The following ZNF324 variants were observed in gnomAD, a reference collection of about 807,000 sequenced individuals.
ZNF324 encodes zinc finger protein 324A.
Under a neutral mutation model 10.3 loss-of-function variants are expected in ZNF324, and 3 were observed. That is an observed-to-expected ratio of 0.29 (90% CI 0.13 to 0.75). The LOEUF is 0.75. Ranked by LOEUF, ZNF324 falls within the 30% of genes least tolerant of loss-of-function variation. The probability of loss-of-function intolerance (pLI) is 0.69; values close to 1 mark genes in which losing one functional copy is unlikely to be tolerated. For missense variants in ZNF324, 763 were observed against 784.4 expected (o/e 0.97, Z 0.33); for synonymous variants, 430 against 339.5 (o/e 1.27, Z -2.93).
At position 58,472,149 on chromosome 19, in the gene ZNF324, G is replaced by A; in HGVS notation, c.1657G>A (p.Val553Ile). ...AGCCGCCGTCTCGCAGCCAGCGGAGGTCTGAGGTCACAGGTTGCAGCCCTG... is the reference window on the plus strand; with the variant it reads ...AGCCGCCGTCTCGCAGCCAGCGGAGATCTGAGGTCACAGGTTGCAGCCCTG... ...GPAAVSQPAE[V>I] Residue 553 changes from valine to isoleucine, a missense_variant, in exon 4 of 4, where the codon GTC becomes ATC. This residue lies in a region of ZNF324 where 231 missense variants were observed against 196.0 expected (regional missense o/e 1.18). Coordinates refer to ENST00000196482, the MANE Select transcript of ZNF324 (RefSeq NM_014347.3). 6.3e-7 allele frequency: 1 copy of A among 1,575,554 alleles called. No homozygotes were observed. Among genetic ancestry groups the A allele is most frequent in the Non-Finnish European group, 8.6e-7 (1 of 1,161,968 alleles).
In ZNF324 at chr19:58,469,106, G is replaced by A. The variant is rs7255093; in HGVS notation, c.-6-74G>A. 281 of 1,588,766 alleles carry A rather than the reference G, an allele frequency of 1.8e-4. No homozygotes were observed. The African/African-American group carries it at 3.4e-3, about 19-fold the overall frequency. ...TGCCCAAGACAATTCTTCTTCCAATGTGGCCCAGGGAAGCCAAAAGATTGG... is the reference window on the plus strand; with the variant it reads ...TGCCCAAGACAATTCTTCTTCCAATATGGCCCAGGGAAGCCAAAAGATTGG... On this transcript the variant is annotated intron_variant, in intron 1 of 3. Transcript: ENST00000196482.
chr19:58,468,166 T>C lies in ZNF324; in HGVS notation c.-7+983T>C, dbSNP rs1048025074. The C allele has an allele frequency of 2.0e-5, 20 of 984,576 alleles. No homozygotes were observed. In the African/African-American group the frequency reaches 3.3e-4, roughly 16 times the overall value. The allele number at this position is 984,576 out of a possible 1,614,324, so 61.0% of individuals were successfully genotyped here. A position where few individuals can be genotyped will look rare whatever the true frequency, so the allele number is the denominator to read the frequency against. On this transcript the variant is annotated intron_variant, in intron 1 of 3. Transcript: ENST00000196482. ...AAGCAGGTTTCCTTCAGGGGAAAGA[T>C]CAAGAGTCTGGGATGTCCCAGGTTG... is the stretch of plus-strand genomic sequence containing the variant.
At chr19:58,469,035 T>C in intron 1 of ZNF324, 145 bp from the exon 2 acceptor site, 1 of 999,470 alleles carries the variant, frequency 1.0e-6, no homozygotes, top group Non-Finnish European at 1.5e-6. Context: ...AATTTTTATT[T>C]TTTTTAGCTC....
rs182649530 is a variant in ZNF324, at chr19:58,470,505, G to A, written c.239-226G>A. 5.3e-4 allele frequency: 346 copies of A among 653,012 alleles called. 4 individuals are homozygous for A. The East Asian group carries it at 6.8e-3, about 13-fold the overall frequency. The allele number at this position is 653,012 out of a possible 1,614,324, so 40.5% of individuals were successfully genotyped here. ...CTCAGCTTCACATCCTGGGTGTCGGGGGGCTGCCACCTTGATCATGGGAGT... is the reference window on the plus strand; with the variant it reads ...CTCAGCTTCACATCCTGGGTGTCGGAGGGCTGCCACCTTGATCATGGGAGT... On this transcript the variant is annotated intron_variant, in intron 3 of 3. Coordinates refer to ENST00000196482, the MANE Select transcript of ZNF324 (RefSeq NM_014347.3).
chr19:58,470,999 C>G lies in ZNF324; in HGVS notation c.507C>G (p.Pro169=). 1 of 1,614,176 alleles carries G rather than the reference C, an allele frequency of 6.2e-7. No homozygotes were observed. The change falls in exon 4 of 4, where the codon CCC becomes CCG. Residue 169 remains proline, a synonymous_variant. Transcript: ENST00000196482. ...GACTGACCTCCCCGCTTAGGCCTCC[C>G]GAGGGCGTCCGGCTTAGAGAAAAGA... ...SLRLTSPLRP[P]EGVRLREKTL...
chr19:58,474,372 G>C lies in ZNF324; in HGVS notation c.*2218G>C, dbSNP rs2053063464. On this transcript the variant is annotated 3_prime_UTR_variant, in exon 4 of 4. Transcript: ENST00000196482. ...TGAAATCATTTCTATGCCTCTGACA[G>C]ACGCTTCTTGAGCGAAGTTTCTGCC... 6.6e-6 allele frequency: 1 copy of C among 152,176 alleles called. No homozygotes were observed. Among genetic ancestry groups the C allele is most frequent in the Admixed American group, 6.5e-5 (1 of 15,276 alleles). 9.4% of individuals were successfully genotyped at this position (152,176 alleles called of 1,614,324 possible).
chr19:58,470,613 T>C lies in ZNF324; in HGVS notation c.239-118T>C, dbSNP rs758841420. 2.7e-5 allele frequency: 36 copies of C among 1,312,560 alleles called. No homozygotes were observed. The African/African-American group carries it at 5.1e-4, about 19-fold the overall frequency. The allele number at this position is 1,312,560 out of a possible 1,614,324, so 81.3% of individuals were successfully genotyped here. A position where few individuals can be genotyped will look rare whatever the true frequency, so the allele number is the denominator to read the frequency against. ...CCTCCTGCAGGGCCAGCCTCACCTC[T>C]ACTTTTCCCCTAAGCTTTTGTGCCA... On this transcript the variant is annotated intron_variant, in intron 3 of 3. Coordinates refer to ENST00000196482, the MANE Select transcript of ZNF324 (RefSeq NM_014347.3).
In ZNF324 at chr19:58,469,198, G is replaced by A. The variant is rs138845372; in HGVS notation, c.13G>A (p.Asp5Asn). The change falls in exon 2 of 4, where the codon GAT becomes AAT. Residue 5 changes from aspartate to asparagine, a missense_variant. By Grantham distance (23) the Asp-to-Asn change is conservative (BLOSUM62 1). Around this residue, in one of 3 missense-constraint regions of ZNF324, gnomAD observed 379 missense variants for 319.4 expected, o/e 1.19. Coordinates refer to ENST00000196482, the MANE Select transcript of ZNF324 (RefSeq NM_014347.3). Reference sequence around the variant, plus strand: ...CTTTTAGGACCAGATGGCCTTTGAGGATGTGGCTGTGTACTTCTCCCAGGA... The same window carrying A: ...CTTTTAGGACCAGATGGCCTTTGAGAATGTGGCTGTGTACTTCTCCCAGGA... MAFE[D>N]VAVYFSQEEW... The A allele has an allele frequency of 5.0e-6, 8 of 1,614,164 alleles. No homozygotes were observed. The African/African-American group carries it at 6.7e-5, about 13-fold the overall frequency.
Position 58,471,246 on chromosome 19 carries a change from G to C in ZNF324, c.754G>C (p.Ala252Pro). 6.2e-7 allele frequency: 1 copy of C among 1,613,566 alleles called. No homozygotes were observed. The highest frequency in any genetic ancestry group is 2.2e-5 in the East Asian group (1 of 44,872). The change falls in exon 4 of 4, where the codon GCT becomes CCT. Residue 252 changes from alanine (A) to proline (P), a missense_variant. Physicochemically the swap from Ala to Pro is conservative, Grantham distance 27. Transcript: ENST00000196482. ...GGACGAGCTGGGCGAGGCTCTTCAC[G>C]CTGGGGAGAAGTCCTTCGAATGCAG... ...TWDELGEALH[A>P]GEKSFECRAC...
rs2053051049 is a variant in ZNF324 at position 58,472,968 on chromosome 19, G to A, written c.*814G>A. The A allele has an allele frequency of 6.5e-6, 1 of 152,724 alleles. No individual in the cohort carries two copies. Among genetic ancestry groups the A allele is most frequent in the Non-Finnish European group, 1.5e-5 (1 of 68,076 alleles). The allele number at this position is 152,724 out of a possible 1,614,324, so 9.5% of individuals were successfully genotyped here. On this transcript the variant is annotated 3_prime_UTR_variant, in exon 4 of 4. Coordinates refer to ENST00000196482, the MANE Select transcript of ZNF324 (RefSeq NM_014347.3). ...GGGGAACATGTGACTCTCAGCATTG[G>A]AAGGACAGAGCTAGGATGATGGCTT...
At chr19:58,470,106 C>T (rs2053015088) in intron 3 of ZNF324, among the ~76,000 whole-genome samples, 1 of 152,180 alleles carries the variant, frequency 6.6e-6, no homozygotes, top group African/African-American at 2.4e-5. Context: ...GCTGGGCTGG[C>T]CTCAAACCCT....
chr19:58,472,149 G>T lies in ZNF324; in HGVS notation c.1657G>T (p.Val553Phe). Residue 553 changes from valine to phenylalanine, a missense_variant, in exon 4 of 4, where the codon GTC (valine) becomes TTC (phenylalanine). Physicochemically the swap from Val to Phe is conservative, Grantham distance 50. Around this residue, in one of 3 missense-constraint regions of ZNF324, gnomAD observed 231 missense variants for 196.0 expected, o/e 1.18. Coordinates refer to ENST00000196482, the MANE Select transcript of ZNF324 (RefSeq NM_014347.3). ...AGCCGCCGTCTCGCAGCCAGCGGAGGTCTGAGGTCACAGGTTGCAGCCCTG... is the reference window on the plus strand; with the variant it reads ...AGCCGCCGTCTCGCAGCCAGCGGAGTTCTGAGGTCACAGGTTGCAGCCCTG... The part of the protein sequence containing the change: ...GPAAVSQPAE[V>F] 1 of 1,575,554 alleles carries T rather than the reference G, an allele frequency of 6.3e-7. No individual in the cohort carries two copies. The highest frequency in any genetic ancestry group is 8.6e-7 in the Non-Finnish European group (1 of 1,161,968).
rs569856067 is a variant in ZNF324 at position 58,473,222 on chromosome 19, A to G, written c.*1068A>G. On this transcript the variant is annotated 3_prime_UTR_variant, in exon 4 of 4. Transcript: ENST00000196482. ...AATTGGAGGCTGGACAGAGCTGAAT[A>G]GGAAAGACTTGCTATTGCCTAAGGC... is the stretch of plus-strand genomic sequence containing the variant. 6.6e-6 allele frequency: 1 copy of G among 152,648 alleles called. No homozygotes were observed. Among genetic ancestry groups the G allele is most frequent in the East Asian group, 1.9e-4 (1 of 5,174 alleles). The allele number at this position is 152,648 out of a possible 1,614,324, so 9.5% of individuals were successfully genotyped here.
chr19:58,472,228 C>G lies in ZNF324; in HGVS notation c.*74C>G. On this transcript the variant is annotated 3_prime_UTR_variant, in exon 4 of 4. Transcript: ENST00000196482. ...AGGGCATATGTCCTCTGCAGATCCA[C>G]AGCAGAGAAAAAGTCCCGTGCTTGC... 1 of 1,422,296 alleles carries G rather than the reference C, an allele frequency of 7.0e-7. No homozygotes were observed. The highest frequency in any genetic ancestry group is 9.3e-7 in the Non-Finnish European group (1 of 1,073,710). The allele number at this position is 1,422,296 out of a possible 1,614,324, so 88.1% of individuals were successfully genotyped here. A position where few individuals can be genotyped will look rare whatever the true frequency, so the allele number is the denominator to read the frequency against.
chr19:58,471,659 T>A lies in ZNF324; in HGVS notation c.1167T>A (p.Arg389=). The change falls in exon 4 of 4, where the codon CGT becomes CGA. Residue 389 remains arginine, a synonymous_variant. Transcript: ENST00000196482. ...CRNSHLIQHE[R]THTGEKPFVC... is the part of the protein sequence containing the mutation. The stretch of plus-strand genomic sequence containing the variant: ...ACTCGCACCTGATCCAGCACGAGCG[T>A]ACGCACACAGGCGAGAAGCCCTTCG... 6.2e-7 allele frequency: 1 copy of A among 1,611,994 alleles called. No homozygotes were observed. The highest frequency in any genetic ancestry group is 2.2e-5 in the East Asian group (1 of 44,800).
rs775566752 is a variant in ZNF324 at position 58,469,249 on chromosome 19, C to T, written c.64C>T (p.Gln22Ter). 6.2e-7 allele frequency: 1 copy of T among 1,614,182 alleles called. No homozygotes were observed. Among genetic ancestry groups the T allele is most frequent in the Non-Finnish European group, 8.5e-7 (1 of 1,180,026 alleles). Reference protein sequence around the residue: ...QEEWGLLDTAQRALYRRVMLD... With the variant: ...QEEWGLLDTA ...GGAGTGGGGGCTCCTGGACACAGCC[C>T]AGAGGGCCCTGTACCGCCGCGTGAT... is the stretch of plus-strand genomic sequence containing the variant. The change falls in exon 2 of 4, where the codon CAG becomes TAG. Residue 22 changes from glutamine to a stop codon, truncating the protein, a stop_gained. Coordinates refer to ENST00000196482, the MANE Select transcript of ZNF324 (RefSeq NM_014347.3). LOFTEE classifies it high-confidence loss of function.
chr19:58,468,143 G>A (rs541385862), intron 1 of ZNF324: 166 of 941,952 alleles, frequency 1.8e-4, no homozygotes, highest in Non-Finnish European at 1.9e-4. Context: ...TGAAAGGAAA[G>A]CAGGTTTCCT....
chr19:58,470,502 C>G lies in ZNF324; in HGVS notation c.239-229C>G, dbSNP rs553061268. ...TTCCTCAGCTTCACATCCTGGGTGT[C>G]GGGGGGCTGCCACCTTGATCATGGG... On this transcript the variant is annotated intron_variant, in intron 3 of 3. Transcript: ENST00000196482. 3 of 648,554 alleles carry G rather than the reference C, an allele frequency of 4.6e-6. No homozygotes were observed. In the Admixed American group the frequency reaches 6.9e-5, roughly 15 times the overall value. The allele number at this position is 648,554 out of a possible 1,614,324, so 40.2% of individuals were successfully genotyped here.
chr19:58,471,100 C>G lies in ZNF324; in HGVS notation c.608C>G (p.Pro203Arg), dbSNP rs749511004. The change falls in exon 4 of 4, where the codon CCT becomes CGT. Residue 203 changes from proline to arginine, a missense_variant. Pro to Arg is a moderately radical substitution (Grantham distance 103). This residue lies in a region of ZNF324 where 379 missense variants were observed against 319.4 expected (regional missense o/e 1.19). Coordinates refer to ENST00000196482, the MANE Select transcript of ZNF324 (RefSeq NM_014347.3). ...ERQKPCAQEV[P>R]GRTFGSAQDL... Reference sequence around the variant, plus strand: ...CAGAAACCATGTGCACAGGAGGTCCCTGGGAGAACCTTTGGGAGCGCCCAG... The same window carrying G: ...CAGAAACCATGTGCACAGGAGGTCCGTGGGAGAACCTTTGGGAGCGCCCAG... The G allele has an allele frequency of 6.2e-7, 1 of 1,613,850 alleles. No individual in the cohort carries two copies. Among genetic ancestry groups the G allele is most frequent in the Non-Finnish European group, 8.5e-7 (1 of 1,180,032 alleles).
Sources: gnomAD v4.1 joint callset for allele counts (sites outside exome capture counted in the v4.1 genomes callset) on GRCh38, gnomAD v4.1.1 for gene constraint, gnomAD v4.1.1 regional missense constraint, MANE v1.5 for transcripts, NCBI Gene and HGNC (gene_info 2026-07-23, HGNC 2026-07-21) for gene names.